Variants in ADAMTS17 observed in about 807,000 individuals in gnomAD.
ADAMTS17 encodes the protein ADAM metallopeptidase with thrombospondin type 1 motif 17, also known as A disintegrin and metalloproteinase with thrombospondin motifs 17.
A neutral mutation model predicts 141.5 loss-of-function variants in ADAMTS17; 113 were observed. The ratio of observed to expected loss-of-function variants is 0.80; its 90% confidence interval spans 0.69 to 0.93. The LOEUF (loss-of-function observed/expected upper bound fraction) is 0.93, where lower values mean the gene tolerates loss of function less well. Ranked by LOEUF, ADAMTS17 falls within the 40% of genes least tolerant of loss-of-function variation. The pLI is 0.00. For missense variants in ADAMTS17, 1,659 were observed against 1,517.9 expected (o/e 1.09, Z -1.54); for synonymous variants, 768 against 630.6 (o/e 1.22, Z -3.27).
chr15:100,049,803 A>G (rs4965567), intron 17 of ADAMTS17, among the ~76,000 whole-genome samples: 48,094 of 151,960 alleles, frequency 0.32, 8,698 homozygotes, highest in East Asian at 0.49. Flanking sequence ...TGGCCACCAT[A>G]CTTCTGTGTC....
At chr15:100,187,309 G>A (rs761063456) in intron 8 of ADAMTS17, among the ~76,000 whole-genome samples, 3 of 152,214 alleles carry the variant, frequency 2.0e-5, no homozygotes, top group Admixed American at 6.5e-5. Flanking sequence ...GATTGCTTTA[G>A]GGTGCTCTTC....
chr15:100,147,362 A>G (rs965828871), intron 10 of ADAMTS17, among the ~76,000 whole-genome samples: 1 of 152,152 alleles, frequency 6.6e-6, no homozygotes, highest in Non-Finnish European at 1.5e-5. Context: ...CATCAGGCAG[A>G]CCTTTCATTG....
chr15:100,041,967 C>G (rs2031296123), intron 18 of ADAMTS17, among the ~76,000 whole-genome samples: 1 of 152,174 alleles, frequency 6.6e-6, no homozygotes, highest in African/African-American at 2.4e-5. Context: ...TTTCACCTTG[C>G]CAGGTTCAAC....
intron 18 of ADAMTS17, among the ~76,000 whole-genome samples, chr15:100,045,165 A>G (rs533815780): frequency 6.0e-4 from 91 of 152,222 alleles, no homozygotes; most frequent in African/African-American, 2.1e-3. Flanking sequence ...AATTTTAGTA[A>G]TATATTTTGT....
At position 100,107,976 on chromosome 15, in the gene ADAMTS17, C is replaced by T. The variant is rs575960071; in HGVS notation, c.2016+1013G>A. Among the ~76,000 whole-genome samples the T allele has an allele frequency of 5.3e-5, 8 of 152,170 alleles. No individual in the cohort carries two copies. The East Asian group carries it at 9.7e-4, about 18-fold the overall frequency. ...GCGAGGCACAGAAAATACAAAGCTT[C>T]GACACCCACTCCCCATCCCAGCTGC... is the stretch of plus-strand genomic sequence containing the variant. On this transcript the variant is annotated intron_variant, in intron 14 of 21. Transcript: ENST00000268070.
At chr15:100,264,077 G>A (rs1348861689) in intron 4 of ADAMTS17, among the ~76,000 whole-genome samples, 1 of 152,216 alleles carries the variant, frequency 6.6e-6, no homozygotes, top group East Asian at 1.9e-4. Flanking sequence ...ATCTTTGTGT[G>A]ACGTAATATT....
intron 18 of ADAMTS17, among the ~76,000 whole-genome samples, chr15:100,013,832 G>A (rs151091908): frequency 2.0e-5 from 3 of 152,196 alleles, no homozygotes; most frequent in African/African-American, 4.8e-5. Flanking sequence ...GAAGGATATC[G>A]GTCTGTAGTT....
chr15:100,026,385 C>T (rs1336542963), intron 18 of ADAMTS17, among the ~76,000 whole-genome samples: 5 of 152,228 alleles, frequency 3.3e-5, no homozygotes, highest in African/African-American at 1.2e-4. Context: ...TGCTGGCATA[C>T]ACCTATGTGG....
intron 3 of ADAMTS17, among the ~76,000 whole-genome samples, chr15:100,320,257 G>C (rs2045691869): frequency 1.3e-5 from 2 of 152,134 alleles, no homozygotes; most frequent in Non-Finnish European, 2.9e-5. Context: ...AGGAATTCCA[G>C]GAGAAGACGT....
At chr15:100,021,534 A>C (rs1415570186) in intron 18 of ADAMTS17, among the ~76,000 whole-genome samples, 1 of 152,200 alleles carries the variant, frequency 6.6e-6, no homozygotes, top group Admixed American at 6.5e-5. Flanking sequence ...TCTCTGCCAC[A>C]GCTCCAGTCT....
chr15:100,231,656 T>A (rs1269520047), intron 7 of ADAMTS17, among the ~76,000 whole-genome samples: 2 of 152,200 alleles, frequency 1.3e-5, no homozygotes, highest in African/African-American at 4.8e-5. Flanking sequence ...TTTCCTGGTG[T>A]GTCCAAGGGT....
intron 4 of ADAMTS17, among the ~76,000 whole-genome samples, chr15:100,274,612 A>G (rs1427285438): frequency 6.6e-6 from 1 of 152,204 alleles, no homozygotes; most frequent in Non-Finnish European, 1.5e-5. Flanking sequence ...TTAAAAAACA[A>G]ATTCATTCTG....
At chr15:100,010,175 G>A (rs966440273) in intron 18 of ADAMTS17, among the ~76,000 whole-genome samples, 5 of 152,302 alleles carry the variant, frequency 3.3e-5, no homozygotes, top group African/African-American at 7.2e-5. Context: ...CCCCTGCCAC[G>A]TGCAACTGCG....
At chr15:100,227,609 C>A (rs1312523758) in intron 7 of ADAMTS17, among the ~76,000 whole-genome samples, 1 of 152,348 alleles carries the variant, frequency 6.6e-6, no homozygotes, top group East Asian at 1.9e-4. Context: ...GTCCTCCTGG[C>A]CTTTCCCTCA....
At chr15:100,098,016 T>C (rs2035867058) in intron 14 of ADAMTS17, among the ~76,000 whole-genome samples, 2 of 152,034 alleles carry the variant, frequency 1.3e-5, no homozygotes, top group South Asian at 4.2e-4. Flanking sequence ...CATGATGAAA[T>C]CTGAAAAAGG....
intron 8 of ADAMTS17, among the ~76,000 whole-genome samples, chr15:100,179,488 C>T (rs762114432): frequency 6.6e-6 from 1 of 152,180 alleles, no homozygotes; most frequent in Non-Finnish European, 1.5e-5. Context: ...GCTATTGTGA[C>T]TAGTGCTACA....
intron 10 of ADAMTS17, among the ~76,000 whole-genome samples, chr15:100,137,730 T>G (rs2038407211): frequency 6.6e-6 from 1 of 152,336 alleles, no homozygotes; most frequent in South Asian, 2.1e-4. Context: ...TATACACTAC[T>G]GTATAGCAAT....
chr15:100,261,642 A>C lies in ADAMTS17; in HGVS notation c.874-6T>G, dbSNP rs1462509787. On this transcript the variant is annotated splice_region_variant and splice_polypyrimidine_tract_variant and intron_variant, in intron 5 of 21. Coordinates refer to ENST00000268070, the MANE Select transcript of ADAMTS17 (RefSeq NM_139057.4). ...TGCCCAATGGACAACTTAGCCTAAA[A>C]AAAGTCAGAGGACAGTTAGAGAAAC... 1.9e-6 allele frequency: 3 copies of C among 1,613,374 alleles called. No individual in the cohort carries two copies. Among genetic ancestry groups the C allele is most frequent in the East Asian group, 4.5e-5 (2 of 44,868 alleles).
intron 17 of ADAMTS17, among the ~76,000 whole-genome samples, chr15:100,050,416 AG>A (rs1173803313): frequency 1.3e-5 from 2 of 152,164 alleles, no homozygotes; most frequent in Non-Finnish European, 2.9e-5. Context: ...CTAAGGGCTG[AG>A]GGGGAGAAGG....
Sources: allele counts gnomAD v4.1 joint callset (sites outside exome capture counted in the v4.1 genomes callset), GRCh38; gene constraint gnomAD v4.1.1; transcripts MANE v1.5; gene names NCBI Gene and HGNC (gene_info 2026-07-23, HGNC 2026-07-21).